The following GLRA2 variants were observed in gnomAD, a reference collection of about 807,000 sequenced individuals.
GLRA2 encodes the protein glycine receptor subunit alpha-2.
A neutral mutation model predicts 31.6 loss-of-function variants in GLRA2; 11 were observed. The ratio of observed to expected loss-of-function variants is 0.35; its 90% CI spans 0.22 to 0.58. GLRA2 has a LOEUF of 0.58. GLRA2 is among the 20% of genes least tolerant of loss of function. GLRA2 has a pLI of 0.84. For missense variants in GLRA2, 212 were observed against 351.8 expected (o/e 0.60, Z 3.18); for synonymous variants, 132 against 134.0 (o/e 0.99, Z 0.10).
chrX:14,616,581 C>G (rs2090456432), intron 7 of GLRA2, among the ~76,000 whole-genome samples: 1 of 111,595 alleles, frequency 9.0e-6, no homozygotes, highest in South Asian at 3.7e-4. Flanking sequence ...CTTTATTCCC[C>G]CTACCAGAAT....
the GLRA2 span, among the ~76,000 whole-genome samples, chrX:14,495,007 C>CGGCTGCAATTTTAGCAGT: frequency 3.4e-4 from 38 of 111,707 alleles, no homozygotes; most frequent in African/African-American, 1.2e-3. Flanking sequence ...TCACTTCAGC[C>CGGCTGCAATTTTAGCAGT]GGCTGCAATT....
At chrX:14,497,391 AT>A in the GLRA2 span, among the ~76,000 whole-genome samples, 1 of 112,343 alleles carries the variant, frequency 8.9e-6, no homozygotes, top group Non-Finnish European at 1.9e-5. Flanking sequence ...AAAGGAATTT[AT>A]CATAAGAGTA....
At chrX:14,593,841 C>T (rs920298619) in intron 4 of GLRA2, among the ~76,000 whole-genome samples, 1 of 113,017 alleles carries the variant, frequency 8.8e-6, no homozygotes, top group Non-Finnish European at 1.9e-5. Context: ...ACACTTAGTC[C>T]AAAGCAGATG....
intron 7 of GLRA2, among the ~76,000 whole-genome samples, chrX:14,678,460 G>A (rs1236235517): frequency 9.0e-6 from 1 of 111,440 alleles, no homozygotes; most frequent in Non-Finnish European, 1.9e-5. Context: ...GACATCTTTG[G>A]AATGGAGAGA....
chrX:14,607,388 G>T, intron 6 of GLRA2, 120 bp downstream of exon 6: 1 of 562,745 alleles, frequency 1.8e-6, no homozygotes, highest in East Asian at 3.6e-5. Context: ...GACCTATGTC[G>T]CACGGACCTG....
intron 7 of GLRA2, among the ~76,000 whole-genome samples, chrX:14,656,020 T>C (rs935276186): frequency 8.9e-6 from 1 of 112,247 alleles, no homozygotes; most frequent in Admixed American, 9.5e-5. Context: ...ACTGGAAATG[T>C]AGGATCTCAG....
At chrX:14,575,938 A>C (rs1197569271) in intron 3 of GLRA2, among the ~76,000 whole-genome samples, 1 of 111,216 alleles carries the variant, frequency 9.0e-6, no homozygotes, top group Non-Finnish European at 1.9e-5. Flanking sequence ...GCTGGGTCTA[A>C]TTTGCATTAC....
At chrX:14,499,047 A>G in the GLRA2 span, among the ~76,000 whole-genome samples, 1 of 112,341 alleles carries the variant, frequency 8.9e-6, no homozygotes, top group African/African-American at 3.2e-5. Flanking sequence ...TATCTTGGCT[A>G]TTATGAATAA....
chrX:14,668,534 A>G (rs2091056982), intron 7 of GLRA2, among the ~76,000 whole-genome samples: 1 of 112,223 alleles, frequency 8.9e-6, no homozygotes, highest in East Asian at 2.8e-4. Flanking sequence ...GACATACTGA[A>G]GACTGGGCAA....
chrX:14,707,506 G>C (rs1039202689), intron 8 of GLRA2, among the ~76,000 whole-genome samples: 4 of 110,450 alleles, frequency 3.6e-5, no homozygotes, highest in African/African-American at 1.3e-4. Flanking sequence ...TTTGGAGCAT[G>C]AATCCCTTCA....
intron 7 of GLRA2, among the ~76,000 whole-genome samples, chrX:14,647,264 T>C (rs185815665): frequency 5.9e-4 from 66 of 112,513 alleles, no homozygotes; most frequent in African/African-American, 2.0e-3. Flanking sequence ...GACAGATGCA[T>C]GAATTTAAGC....
At chrX:14,618,887 G>C (rs1323867200) in intron 7 of GLRA2, among the ~76,000 whole-genome samples, 1 of 111,431 alleles carries the variant, frequency 9.0e-6, no homozygotes, top group Admixed American at 9.6e-5. Context: ...ATTACACGTG[G>C]TGCCTTCCAT....
intron 4 of GLRA2, among the ~76,000 whole-genome samples, chrX:14,602,627 T>A (rs2090289565): frequency 9.0e-6 from 1 of 111,171 alleles, no homozygotes; most frequent in African/African-American, 3.3e-5. Context: ...GTCATTCTTA[T>A]GCCTTTGCAT....
At chrX:14,451,644 C>CAAAA in the GLRA2 span, among the ~76,000 whole-genome samples, 1 of 40,009 alleles carries the variant, frequency 2.5e-5, no homozygotes, top group Non-Finnish European at 4.2e-5. Flanking sequence ...ACTCTGTCTC[C>CAAAA]AAAAAAAAAA....
At chrX:14,593,808 C>T (rs1164638440) in intron 4 of GLRA2, among the ~76,000 whole-genome samples, 1 of 112,793 alleles carries the variant, frequency 8.9e-6, no homozygotes, top group Non-Finnish European at 1.9e-5. Context: ...ATACTTGTAC[C>T]ATTCAGGCTC....
chrX:14,502,219 T>G, the GLRA2 span, among the ~76,000 whole-genome samples: 1 of 111,720 alleles, frequency 9.0e-6, no homozygotes, highest in South Asian at 3.7e-4. Context: ...GTTCCTTCAT[T>G]TCTTTTGGCC....
At chrX:14,683,837 T>C (rs1202521810) in intron 7 of GLRA2, among the ~76,000 whole-genome samples, 1 of 110,130 alleles carries the variant, frequency 9.1e-6, no homozygotes, top group African/African-American at 3.3e-5. Flanking sequence ...GCATGGCACA[T>C]GTATACATAT....
chrX:14,462,627 A>G, the GLRA2 span, among the ~76,000 whole-genome samples: 1 of 110,748 alleles, frequency 9.0e-6, no homozygotes, highest in Non-Finnish European at 1.9e-5. Flanking sequence ...CCTTTCTTCC[A>G]CTTGATTGAA....
chrX:14,451,644 CAAAAA>C, the GLRA2 span, among the ~76,000 whole-genome samples: 7 of 40,019 alleles, frequency 1.7e-4, no homozygotes, highest in African/African-American at 7.6e-4. Context: ...ACTCTGTCTC[CAAAAA>C]AAAAAAAAAA....
Sources: gnomAD v4.1 joint callset for allele counts (sites outside exome capture counted in the v4.1 genomes callset) on GRCh38, gnomAD v4.1.1 for gene constraint, MANE v1.5 for transcripts, NCBI Gene and HGNC (gene_info 2026-07-23, HGNC 2026-07-21) for gene names.